The following CRPPA variants were observed in gnomAD, a reference collection of about 807,000 sequenced individuals.
The protein encoded by CRPPA is CDP-L-ribitol pyrophosphorylase A.
In CRPPA, 43 loss-of-function variants were observed where a neutral mutation model predicts 52.0. The observed-to-expected ratio is 0.83, with a 90% CI of 0.65 to 1.07. The LOEUF (loss-of-function observed/expected upper bound fraction) is 1.07, where lower values mean the gene tolerates loss of function less well. Among genes scored for constraint, CRPPA ranks in the 50% least tolerant of loss-of-function variants. CRPPA has a pLI of 0.00. For missense variants in CRPPA, 629 were observed against 551.7 expected (o/e 1.14, Z -1.40); for synonymous variants, 250 against 203.5 (o/e 1.23, Z -1.94).
rs1027468115 is a variant in CRPPA, at chr7:16,252,201, A to G, written c.1119+6189T>C. 3.3e-5 allele frequency among the ~76,000 whole-genome samples: 5 copies of G among 152,206 alleles called. No individual in the cohort carries two copies. In the South Asian group the frequency reaches 1.0e-3, roughly 32 times the overall value. On this transcript the variant is annotated intron_variant, in intron 8 of 9. Coordinates refer to ENST00000407010, the MANE Select transcript of CRPPA (RefSeq NM_001101426.4). ...CAGCAGCACATCAAAAAGCCTATCC[A>G]CTGCAATCAAGTCGGCTTCATCCCT...
At chr7:16,323,016 C>G (rs1276073482) in intron 3 of CRPPA, among the ~76,000 whole-genome samples, 2 of 152,076 alleles carry the variant, frequency 1.3e-5, no homozygotes, top group Non-Finnish European at 2.9e-5. Context: ...ATCATGAGAA[C>G]AGCATGGGGG....
At chr7:16,290,503 T>A (rs1225690381) in intron 5 of CRPPA, among the ~76,000 whole-genome samples, 1 of 152,050 alleles carries the variant, frequency 6.6e-6, no homozygotes, top group Non-Finnish European at 1.5e-5. Flanking sequence ...TCCACATATT[T>A]ACAGTCAACT....
intron 8 of CRPPA, among the ~76,000 whole-genome samples, chr7:16,218,968 C>T (rs1782417950): frequency 1.3e-5 from 2 of 152,174 alleles, no homozygotes; most frequent in African/African-American, 4.8e-5. Flanking sequence ...GAACTCTCCA[C>T]CCCAAATCAA....
intron 3 of CRPPA, among the ~76,000 whole-genome samples, chr7:16,370,713 C>T (rs908313932): frequency 2.0e-5 from 3 of 152,068 alleles, no homozygotes; most frequent in Non-Finnish European, 4.4e-5. Context: ...CACCTCTACA[C>T]CAACAGGCAG....
At chr7:16,150,792 C>G (rs1783062657) in intron 9 of CRPPA, among the ~76,000 whole-genome samples, 1 of 152,134 alleles carries the variant, frequency 6.6e-6, no homozygotes, top group African/African-American at 2.4e-5. Context: ...TACTGAGATG[C>G]CAGCAACTGG....
intron 6 of CRPPA, among the ~76,000 whole-genome samples, chr7:16,260,390 G>T (rs1175963288): frequency 6.6e-6 from 1 of 151,898 alleles, no homozygotes; most frequent in Non-Finnish European, 1.5e-5. Flanking sequence ...TAAGGCCAGG[G>T]TTTCCTACTA....
chr7:16,370,222 A>G (rs1786713439), intron 3 of CRPPA, among the ~76,000 whole-genome samples: 1 of 152,242 alleles, frequency 6.6e-6, no homozygotes, highest in Non-Finnish European at 1.5e-5. Context: ...TCCCTTGAAC[A>G]GAACCCAAGG....
chr7:16,167,207 T>G (rs1459809260), intron 9 of CRPPA, among the ~76,000 whole-genome samples: 1 of 152,166 alleles, frequency 6.6e-6, no homozygotes, highest in Non-Finnish European at 1.5e-5. Context: ...ATTACAGGCG[T>G]GAGCCACCGC....
At chr7:16,225,033 TAAATGGAG>T (rs1782612342) in intron 8 of CRPPA, among the ~76,000 whole-genome samples, 1 of 152,068 alleles carries the variant, frequency 6.6e-6, no homozygotes, top group Non-Finnish European at 1.5e-5. Flanking sequence ...CAGGCAAAAC[TAAATGGAG>T]AAATAATGGC....
intron 3 of CRPPA, among the ~76,000 whole-genome samples, chr7:16,342,383 C>A (rs896550226): frequency 1.3e-5 from 2 of 151,726 alleles, no homozygotes; most frequent in African/African-American, 4.8e-5. Context: ...GTTAAGAGAC[C>A]AGGTAAATCA....
chr7:16,166,614 C>A (rs17169295), intron 9 of CRPPA, among the ~76,000 whole-genome samples: 5,726 of 152,188 alleles, frequency 0.038, 339 homozygotes, highest in East Asian at 0.3. Context: ...ATAACGGAAG[C>A]ACATTCTTAA....
At chr7:16,166,553 T>G (rs1180409258) in intron 9 of CRPPA, among the ~76,000 whole-genome samples, 8 of 152,172 alleles carry the variant, frequency 5.3e-5, no homozygotes, top group African/African-American at 1.9e-4. Flanking sequence ...ATGCTAGGAT[T>G]ACAAGTATGA....
intron 5 of CRPPA, among the ~76,000 whole-genome samples, chr7:16,284,015 G>A (rs1784372202): frequency 6.6e-6 from 1 of 152,010 alleles, no homozygotes; most frequent in African/African-American, 2.4e-5. Flanking sequence ...GCAGCACTTT[G>A]CATATGTGAA....
intron 5 of CRPPA, among the ~76,000 whole-genome samples, chr7:16,285,195 G>A (rs1443379648): frequency 6.6e-6 from 1 of 152,024 alleles, no homozygotes; most frequent in African/African-American, 2.4e-5. Flanking sequence ...TTCAGAGGTT[G>A]AAGTAAAAAT....
chr7:16,409,650 G>C (rs753646661), intron 1 of CRPPA, among the ~76,000 whole-genome samples: 5 of 152,154 alleles, frequency 3.3e-5, no homozygotes, highest in African/African-American at 4.8e-5. Flanking sequence ...TAAGCACTAT[G>C]TCTTAAGCAT....
chr7:16,279,874 G>A (rs554710741), intron 5 of CRPPA, among the ~76,000 whole-genome samples: 3 of 152,302 alleles, frequency 2.0e-5, no homozygotes, highest in African/African-American at 4.8e-5. Flanking sequence ...ACCAGAGACT[G>A]GGCAATTTAC....
intron 3 of CRPPA, among the ~76,000 whole-genome samples, chr7:16,337,164 G>C (rs1464083486): frequency 6.6e-6 from 1 of 152,082 alleles, no homozygotes; most frequent in Non-Finnish European, 1.5e-5. Flanking sequence ...TCCAACGGCA[G>C]AATACATTCC....
chr7:16,306,956 A>C (rs1784925948), intron 4 of CRPPA, among the ~76,000 whole-genome samples: 1 of 152,178 alleles, frequency 6.6e-6, no homozygotes, highest in Non-Finnish European at 1.5e-5. Flanking sequence ...AATATTTTGG[A>C]GTCTTAGAAT....
chr7:16,175,982 C>T (rs1374844689), intron 9 of CRPPA, among the ~76,000 whole-genome samples: 2 of 152,032 alleles, frequency 1.3e-5, no homozygotes, highest in Non-Finnish European at 2.9e-5. Flanking sequence ...CCTTAAAAGA[C>T]ACTGGCGAAA....
Sources: gnomAD v4.1 joint callset for allele counts (sites outside exome capture counted in the v4.1 genomes callset) on GRCh38, gnomAD v4.1.1 for gene constraint, MANE v1.5 for transcripts, NCBI Gene and HGNC (gene_info 2026-07-23, HGNC 2026-07-21) for gene names.